TOP1MT: variants seen among roughly 807,000 people sequenced by gnomAD.
TOP1MT encodes the protein DNA topoisomerase I, mitochondrial.
In TOP1MT, 80 loss-of-function variants were observed where a neutral mutation model predicts 73.9. That is an observed-to-expected ratio of 1.08 (90% CI 0.90 to 1.30). TOP1MT has a LOEUF of 1.30. Ranked by LOEUF, TOP1MT falls within the 50% of genes most tolerant of loss-of-function variation. TOP1MT has a pLI of 0.00. For missense variants in TOP1MT, 815 were observed against 808.0 expected (o/e 1.01, Z -0.10); for synonymous variants, 338 against 326.4 (o/e 1.04, Z -0.38).
At chr8:143,321,501 CCACACA>C (rs1160985811) in intron 7 of TOP1MT, 115 bp from the exon 8 acceptor site, 1 of 776,388 alleles carries the variant, frequency 1.3e-6, no homozygotes, top group Non-Finnish European at 2.0e-6. Flanking sequence ...CACACGCACG[CCACACA>C]CACGCACTCC....
upstream of TOP1MT, among the ~76,000 whole-genome samples, chr8:143,336,638 T>C (rs1816986424): frequency 6.6e-6 from 1 of 151,922 alleles, no homozygotes; most frequent in Admixed American, 6.6e-5. Context: ...AAGAAGTAAA[T>C]TATGTCTATT....
At chr8:143,317,658 G>T in intron 10 of TOP1MT, 65 bp downstream of exon 10, 1 of 1,446,084 alleles carries the variant, frequency 6.9e-7, no homozygotes, top group African/African-American at 1.5e-5. Flanking sequence ...GGCCAGCCGG[G>T]GAGCCCGGTC....
At chr8:143,319,663 C>T (rs1184901640) in intron 8 of TOP1MT, among the ~76,000 whole-genome samples, 2 of 152,120 alleles carry the variant, frequency 1.3e-5, no homozygotes, top group Admixed American at 6.6e-5. Flanking sequence ...CCACACTCAT[C>T]CCTCTGGGCA....
At chr8:143,315,544 G>A (rs1457188474) in intron 12 of TOP1MT, among the ~76,000 whole-genome samples, 183 bp downstream of exon 12, 1 of 152,190 alleles carries the variant, frequency 6.6e-6, no homozygotes, top group Non-Finnish European at 1.5e-5. Context: ...CGTCTTGGTG[G>A]TAGTGGTCCC....
chr8:143,336,434 A>C (rs758341753), upstream of TOP1MT, among the ~76,000 whole-genome samples: 1 of 152,186 alleles, frequency 6.6e-6, no homozygotes, highest in Non-Finnish European at 1.5e-5. Context: ...AATAGAAAGA[A>C]ACTTAACCTG....
intron 1 of TOP1MT, among the ~76,000 whole-genome samples, chr8:143,351,144 T>C (rs902641822): frequency 6.6e-6 from 1 of 152,212 alleles, no homozygotes; most frequent in African/African-American, 2.4e-5. Context: ...ACTTTCCAAC[T>C]CTGCTTCTTG....
exon 2 of TOP1MT, chr8:143,343,238 T>A (rs1472328681): frequency 2.2e-6 from 1 of 456,148 alleles, no homozygotes; most frequent in East Asian, 6.9e-5. Context: ...TTTTCTTGGG[T>A]GGCTTTTCAT....
intron 8 of TOP1MT, 40 bp downstream of exon 8, chr8:143,321,161 C>T (rs755156029): frequency 1.5e-5 from 23 of 1,521,596 alleles, no homozygotes; most frequent in African/African-American, 4.1e-5. Context: ...AGAGCAAATA[C>T]GTGTCACATA....
At chr8:143,338,145 T>TA (rs373152022), upstream of TOP1MT, among the ~76,000 whole-genome samples, 8 of 152,290 alleles carry the variant, frequency 5.3e-5, no homozygotes, top group African/African-American at 1.9e-4. Context: ...CGTGTCCTGC[T>TA]ACAGTAGTCC....
At chr8:143,315,688 G>A (rs766127506) in intron 12 of TOP1MT, 39 bp downstream of exon 12, 1 of 1,566,552 alleles carries the variant, frequency 6.4e-7, no homozygotes, top group Non-Finnish European at 8.8e-7. Context: ...GGTTGGGACA[G>A]GGCCCCGGGA....
intron 2 of TOP1MT, among the ~76,000 whole-genome samples, chr8:143,342,949 G>T (rs544209653): frequency 7.9e-5 from 12 of 151,964 alleles, no homozygotes; most frequent in South Asian, 4.2e-4. Context: ...TTAGTAGAGA[G>T]GGGGTTTCAT....
chr8:143,332,106 A>G (rs1479250174), intron 1 of TOP1MT, among the ~76,000 whole-genome samples: 1 of 152,198 alleles, frequency 6.6e-6, no homozygotes, highest in Non-Finnish European at 1.5e-5. Context: ...TGGCGGCTAC[A>G]GCCCATCCTA....
upstream of TOP1MT, among the ~76,000 whole-genome samples, chr8:143,337,991 A>AC (rs1430993931): frequency 6.6e-6 from 1 of 151,988 alleles, no homozygotes; most frequent in Non-Finnish European, 1.5e-5. Context: ...TTTCACATGG[A>AC]CCCCTTAGAG....
upstream of TOP1MT, chr8:143,359,239 A>G: frequency 2.0e-6 from 2 of 985,068 alleles, no homozygotes; most frequent in Non-Finnish European, 1.2e-6. Context: ...GCGCCAGACC[A>G]AAAGAAAAAA....
upstream of TOP1MT, among the ~76,000 whole-genome samples, chr8:143,335,463 C>T (rs117364692): frequency 1.3e-5 from 2 of 152,362 alleles, no homozygotes; most frequent in Non-Finnish European, 2.9e-5. Flanking sequence ...CAGCCTCTCA[C>T]TCCCAAGGAG....
At chr8:143,331,647 G>T in intron 1 of TOP1MT, 1 of 278,556 alleles carries the variant, frequency 3.6e-6, no homozygotes, top group Non-Finnish European at 6.9e-6. Flanking sequence ...GCCTCTCCCA[G>T]GCTCTAGGGC....
chr8:143,326,459 G>T, intron 3 of TOP1MT, 115 bp from the exon 4 acceptor site: 1 of 1,423,278 alleles, frequency 7.0e-7, no homozygotes. Context: ...GGAGGCGTGT[G>T]TGCAATAGGC....
At chr8:143,324,250 G>T in intron 6 of TOP1MT, 108 bp from the exon 7 acceptor site, 1 of 1,486,694 alleles carries the variant, frequency 6.7e-7, no homozygotes. Flanking sequence ...ACTCAGTGGT[G>T]CCGTGGTCAG....
At chr8:143,358,762 G>C (rs1185023972), upstream of TOP1MT, 3 of 152,210 alleles carry the variant, frequency 2.0e-5, no homozygotes, top group African/African-American at 7.2e-5. Flanking sequence ...GGACACTGCT[G>C]CACCTGCGGC....
Sources: gnomAD v4.1 joint callset for allele counts (sites outside exome capture counted in the v4.1 genomes callset) on GRCh38, gnomAD v4.1.1 for gene constraint, MANE v1.5 for transcripts, NCBI Gene and HGNC (gene_info 2026-07-23, HGNC 2026-07-21) for gene names.